XPR1: variants seen among roughly 807,000 people sequenced by gnomAD.
The protein encoded by XPR1 is solute carrier family 53 member 1.
A neutral mutation model predicts 87.5 loss-of-function variants in XPR1; 28 were observed. The observed-to-expected ratio is 0.32, with a 90% CI of 0.24 to 0.44. XPR1 has a LOEUF of 0.44. Among genes scored for constraint, XPR1 ranks in the 20% least tolerant of loss-of-function variants. The pLI is 1.00. For synonymous variants in XPR1, 300 were observed against 306.1 expected, an observed-to-expected ratio of 0.98 and a Z score of 0.21; for missense variants, 559 against 862.3, an observed-to-expected ratio of 0.65 and a Z score of 4.41.
intron 2 of XPR1, among the ~76,000 whole-genome samples, chr1:180,727,505 G>A (rs755606425): frequency 5.9e-5 from 9 of 152,106 alleles, no homozygotes; most frequent in African/African-American, 1.9e-4. Flanking sequence ...TTAGCCAGGC[G>A]TGGTGGCAGA....
At chr1:180,683,439 T>C (rs1656654224) in intron 2 of XPR1, among the ~76,000 whole-genome samples, 1 of 152,216 alleles carries the variant, frequency 6.6e-6, no homozygotes, top group African/African-American at 2.4e-5. Context: ...TGTGCATGTG[T>C]CTTTATAGCA....
At chr1:180,678,978 G>A (rs894934158) in intron 1 of XPR1, among the ~76,000 whole-genome samples, 7 of 152,076 alleles carry the variant, frequency 4.6e-5, no homozygotes, top group South Asian at 2.1e-4. Flanking sequence ...GGTGGATCAC[G>A]AGGTCAGGAG....
intron 2 of XPR1, among the ~76,000 whole-genome samples, chr1:180,746,325 TGA>T (rs1647245758): frequency 6.6e-6 from 1 of 152,148 alleles, no homozygotes; most frequent in Admixed American, 6.5e-5. Flanking sequence ...TGTATGCCTT[TGA>T]GTACCCATAG....
At chr1:180,856,283 C>T (rs1403533825) in intron 11 of XPR1, among the ~76,000 whole-genome samples, 1 of 151,938 alleles carries the variant, frequency 6.6e-6, no homozygotes, top group Non-Finnish European at 1.5e-5. Flanking sequence ...AGAGAGTTCT[C>T]ATCTCTTTGA....
chr1:180,792,437 T>A (rs919849808), intron 3 of XPR1, among the ~76,000 whole-genome samples: 8 of 152,190 alleles, frequency 5.3e-5, no homozygotes, highest in African/African-American at 1.7e-4. Context: ...CTTCCTAGGC[T>A]TCCACACACT....
At chr1:180,841,036 T>G (rs1168622026) in intron 11 of XPR1, among the ~76,000 whole-genome samples, 1 of 152,192 alleles carries the variant, frequency 6.6e-6, no homozygotes, top group Non-Finnish European at 1.5e-5. Flanking sequence ...AAGGCATTAA[T>G]TGGTTCTTAA....
rs994171469 is a variant in XPR1, at chr1:180,846,451, T to TTA, written c.1501+9736_1501+9737insAT. ...TTTTTGTTTTTGTTTATTTATTTAT[T>TTA]TTTTTTTTGAGATGGAATCTGGCTG... On this transcript the variant is annotated intron_variant, in intron 11 of 14. Transcript: ENST00000367590. 7.5e-4 allele frequency among the ~76,000 whole-genome samples: 104 copies of TTA among 138,724 alleles called. 1 individual carries two copies. The highest frequency in any genetic ancestry group is 4.8e-3 in the East Asian group (25 of 5,158). The allele number at this position is 138,724 out of a possible 152,430, so 91.0% of individuals were successfully genotyped here.
intron 1 of XPR1, among the ~76,000 whole-genome samples, chr1:180,667,297 A>T (rs943028833): frequency 6.6e-6 from 1 of 151,478 alleles, no homozygotes; most frequent in Non-Finnish European, 1.5e-5. Flanking sequence ...AGTCTTTTGA[A>T]TTTTTTTTTA....
chr1:180,801,237 A>T (rs888015914), intron 3 of XPR1, among the ~76,000 whole-genome samples: 19 of 152,208 alleles, frequency 1.2e-4, no homozygotes, highest in Non-Finnish European at 2.4e-4. Context: ...TGGGGAGTAA[A>T]CATAGAGCTT....
chr1:180,704,278 T>TATATATATATA (rs1192955477), intron 2 of XPR1, among the ~76,000 whole-genome samples: 1,240 of 31,804 alleles, frequency 0.039, 27 homozygotes, highest in African/African-American at 0.061. Context: ...ATATATATAT[T>TATATATATATA]ATCAGATTAT....
intron 2 of XPR1, among the ~76,000 whole-genome samples, chr1:180,689,712 A>G (rs1289626703): frequency 6.6e-6 from 1 of 152,214 alleles, no homozygotes; most frequent in African/African-American, 2.4e-5. Flanking sequence ...TTTAGTTAAT[A>G]ATAATGTATC....
chr1:180,836,764 A>G (rs749193551), intron 11 of XPR1, 48 bp downstream of exon 11: 14 of 1,589,434 alleles, frequency 8.8e-6, no homozygotes, highest in Non-Finnish European at 1.1e-5. Context: ...CTGGATTTTT[A>G]CTACCTGACT....
chr1:180,757,286 G>A (rs565499966), intron 2 of XPR1, among the ~76,000 whole-genome samples: 46 of 152,188 alleles, frequency 3.0e-4, no homozygotes, highest in African/African-American at 1.0e-3. Context: ...ATTTGGAAAC[G>A]GGATTTTGTT....
chr1:180,884,210 G>T lies in XPR1; in HGVS notation c.*144G>T. 1 of 563,520 alleles carries T rather than the reference G, an allele frequency of 1.8e-6. No individual in the cohort carries two copies. Among genetic ancestry groups the T allele is most frequent in the Non-Finnish European group, 3.1e-6 (1 of 325,502 alleles). The allele number at this position is 563,520 out of a possible 1,614,324, so 34.9% of individuals were successfully genotyped here. On this transcript the variant is annotated 3_prime_UTR_variant, in exon 15 of 15. Coordinates refer to ENST00000367590, the MANE Select transcript of XPR1 (RefSeq NM_004736.4). ...CGAGCTCTTCCGGATCGGATCCTAT[G>T]GACTCCAAACAAGCTCACTGTGTTT...
At chr1:180,828,271 A>T (rs991457351) in intron 9 of XPR1, among the ~76,000 whole-genome samples, 1 of 152,166 alleles carries the variant, frequency 6.6e-6, no homozygotes, top group African/African-American at 2.4e-5. Flanking sequence ...TATGGAATTG[A>T]TATATGCTAT....
At position 180,704,278 on chromosome 1, in the gene XPR1, T is replaced by TATATATA. The variant is rs1192955477; in HGVS notation, c.121+21869_121+21870insATATAAT. Reference sequence around the variant, plus strand: ...TATATATATATATATATATATATATTATCAGATTATCTGTTTTGTTACTAC... The same window carrying TATATATA: ...TATATATATATATATATATATATATTATATATAATCAGATTATCTGTTTTGTTACTAC... On this transcript the variant is annotated intron_variant, in intron 2 of 14. Coordinates refer to ENST00000367590, the MANE Select transcript of XPR1 (RefSeq NM_004736.4). 1.0e-2 allele frequency among the ~76,000 whole-genome samples: 319 copies of TATATATA among 31,908 alleles called. 6 individuals carry two copies. The highest frequency in any genetic ancestry group is 0.023 in the African/African-American group (253 of 11,002). 20.9% of individuals were successfully genotyped at this position (31,908 alleles called of 152,430 possible).
chr1:180,660,701 C>T (rs537400426), intron 1 of XPR1, among the ~76,000 whole-genome samples: 27 of 150,576 alleles, frequency 1.8e-4, no homozygotes, highest in Admixed American at 1.5e-3. Context: ...CCGTTGTGGT[C>T]AGAGAAGATA....
At chr1:180,710,777 C>T (rs1015651202) in intron 2 of XPR1, among the ~76,000 whole-genome samples, 9 of 150,200 alleles carry the variant, frequency 6.0e-5, no homozygotes, top group Admixed American at 2.6e-4. Context: ...AAGGGGTGGC[C>T]GGGCAGAGGC....
At position 180,890,044 on chromosome 1, in the gene XPR1, C is replaced by G. The variant is rs1379751576; in HGVS notation, c.*5978C>G. On this transcript the variant is annotated 3_prime_UTR_variant, in exon 15 of 15. Transcript: ENST00000367590. ...CTATGCTATTAGCTGTCTCCTTTTTCCTTCCTATATGGGTAGAATTCTTAT... is the reference window on the plus strand; with the variant it reads ...CTATGCTATTAGCTGTCTCCTTTTTGCTTCCTATATGGGTAGAATTCTTAT... The G allele has an allele frequency of 6.6e-6, 1 of 152,076 alleles. No individual in the cohort carries two copies. Among genetic ancestry groups the G allele is most frequent in the Non-Finnish European group, 1.5e-5 (1 of 68,010 alleles). 9.4% of individuals were successfully genotyped at this position (152,076 alleles called of 1,614,324 possible). A position where few individuals can be genotyped will look rare whatever the true frequency, so the allele number is the denominator to read the frequency against.
Sources: gnomAD v4.1 joint callset for allele counts (sites outside exome capture counted in the v4.1 genomes callset) on GRCh38, gnomAD v4.1.1 for gene constraint, MANE v1.5 for transcripts, NCBI Gene and HGNC (gene_info 2026-07-23, HGNC 2026-07-21) for gene names.